The following PCCB variants were observed in gnomAD, a reference collection of about 807,000 sequenced individuals.
PCCB encodes propionyl-CoA carboxylase subunit beta.
In PCCB, 43 loss-of-function variants were observed where a neutral mutation model predicts 60.7. The observed-to-expected ratio is 0.71, with a 90% confidence interval of 0.55 to 0.91. PCCB has a LOEUF of 0.91. PCCB is among the 40% of genes least tolerant of loss of function. PCCB has a pLI of 0.00. For synonymous variants in PCCB, 276 were observed against 255.9 expected (o/e 1.08, Z -0.75); for missense variants, 766 against 702.8 (o/e 1.09, Z -1.02).
intron 8 of PCCB, among the ~76,000 whole-genome samples, chr3:136,299,020 G>A (rs911806680): frequency 6.6e-6 from 1 of 152,118 alleles, no homozygotes; most frequent in African/African-American, 2.4e-5. Context: ...GGAGGGGAGA[G>A]TGGTCACAAG....
chr3:136,290,827 A>G (rs1216813476), intron 6 of PCCB, among the ~76,000 whole-genome samples: 1 of 150,604 alleles, frequency 6.6e-6, no homozygotes, highest in African/African-American at 2.4e-5. Context: ...AATTCTCATT[A>G]TGTATATGTT....
Position 136,261,885 on chromosome 3 carries a change from A to G in PCCB, c.430-67A>G, listed in dbSNP as rs903443257. 3.7e-6 allele frequency: 4 copies of G among 1,086,832 alleles called. No individual in the cohort carries two copies. In the African/African-American group the frequency reaches 6.2e-5, roughly 17 times the overall value. 67.3% of individuals were successfully genotyped at this position (1,086,832 alleles called of 1,614,324 possible). A position where few individuals can be genotyped will look rare whatever the true frequency, so the allele number is the denominator to read the frequency against. On this transcript the variant is annotated intron_variant, in intron 4 of 14. Transcript: ENST00000251654. ...AACGTTTTCCAGAAAACACTGTGGT[A>G]TTTTGTGAATGTCGTTTTTTATATC...
At chr3:136,329,221 T>G (rs1391677913) in intron 14 of PCCB, among the ~76,000 whole-genome samples, 1 of 152,210 alleles carries the variant, frequency 6.6e-6, no homozygotes, top group Non-Finnish European at 1.5e-5. Context: ...GTGGTTCTTG[T>G]GCTGGTCTTG....
Position 136,275,927 on chromosome 3 carries a change from C to T in PCCB, c.544-7910C>T, listed in dbSNP as rs141664190. Among the ~76,000 whole-genome samples the T allele has an allele frequency of 9.2e-3, 1,404 of 152,230 alleles. 12 individuals carry two copies. Among genetic ancestry groups the T allele is most frequent in the Non-Finnish European group, 0.014 (986 of 68,002 alleles). ...CTGGGACTACAGGTGTGCACCACTACGCCTGGCTAATTTTTGTATTTTTAG... is the reference window on the plus strand; with the variant it reads ...CTGGGACTACAGGTGTGCACCACTATGCCTGGCTAATTTTTGTATTTTTAG... On this transcript the variant is annotated intron_variant, in intron 5 of 14. Coordinates refer to ENST00000251654, the MANE Select transcript of PCCB (RefSeq NM_000532.5).
intron 9 of PCCB, among the ~76,000 whole-genome samples, chr3:136,302,043 C>T (rs978040139): frequency 3.9e-5 from 6 of 152,288 alleles, no homozygotes; most frequent in Admixed American, 6.5e-5. Flanking sequence ...AGGAGAGCCT[C>T]GCAACAGTGT....
Position 136,327,145 on chromosome 3 carries a change from T to C in PCCB, c.1199-10T>C. 6.2e-7 allele frequency: 1 copy of C among 1,613,338 alleles called. No homozygotes were observed. The highest frequency in any genetic ancestry group is 1.1e-5 in the South Asian group (1 of 91,068). On this transcript the variant is annotated splice_polypyrimidine_tract_variant and intron_variant, in intron 11 of 14. Transcript: ENST00000251654. ...CTTGTGGGTATCTAGTAACTCTTCCTCATGTCTAGGCACAGCACAGGAATA... is the reference window on the plus strand; with the variant it reads ...CTTGTGGGTATCTAGTAACTCTTCCCCATGTCTAGGCACAGCACAGGAATA...
intron 9 of PCCB, 140 bp downstream of exon 9, chr3:136,301,251 C>T (rs1337517453): frequency 1.1e-5 from 8 of 722,480 alleles, no homozygotes; most frequent in Non-Finnish European, 2.0e-5. Context: ...GGCACAGGAC[C>T]AGTGGCCACT....
chr3:136,325,267 C>T (rs972087415), intron 10 of PCCB, among the ~76,000 whole-genome samples: 3 of 152,124 alleles, frequency 2.0e-5, no homozygotes, highest in African/African-American at 7.2e-5. Flanking sequence ...TTAAGCAGTC[C>T]TCCACTTTGG....
At chr3:136,276,439 C>T (rs1942332566) in intron 5 of PCCB, among the ~76,000 whole-genome samples, 1 of 152,178 alleles carries the variant, frequency 6.6e-6, no homozygotes, top group Non-Finnish European at 1.5e-5. Flanking sequence ...AAGCTATTCA[C>T]CTCCCAGACT....
At chr3:136,295,579 A>G (rs1933894613) in intron 7 of PCCB, among the ~76,000 whole-genome samples, 1 of 152,234 alleles carries the variant, frequency 6.6e-6, no homozygotes, top group Non-Finnish European at 1.5e-5. Flanking sequence ...GGTATATAAT[A>G]TAAAGCTGGG....
intron 5 of PCCB, among the ~76,000 whole-genome samples, chr3:136,268,498 T>C (rs748410139): frequency 6.6e-6 from 1 of 151,120 alleles, no homozygotes; most frequent in Non-Finnish European, 1.5e-5. Flanking sequence ...TAGTCTCGCT[T>C]TGTAGCCCAG....
At chr3:136,299,977 C>T (rs889778976) in intron 8 of PCCB, among the ~76,000 whole-genome samples, 3 of 151,688 alleles carry the variant, frequency 2.0e-5, no homozygotes, top group African/African-American at 2.4e-5. Context: ...CATGTATACA[C>T]ACATGCATGT....
chr3:136,293,328 T>C (rs1933783998), intron 6 of PCCB, among the ~76,000 whole-genome samples: 1 of 152,230 alleles, frequency 6.6e-6, no homozygotes, highest in Non-Finnish European at 1.5e-5. Flanking sequence ...TTAAGTAGCT[T>C]CATTTAAAGT....
In PCCB at chr3:136,261,966, C is replaced by A; in HGVS notation, c.444C>A (p.Ala148=). 2 of 1,556,574 alleles carry A rather than the reference C, an allele frequency of 1.3e-6. No individual in the cohort carries two copies. Among genetic ancestry groups the A allele is most frequent in the Non-Finnish European group, 1.7e-6 (2 of 1,148,210 alleles). The change falls in exon 5 of 15, where the codon GCC becomes GCA. Residue 148 remains alanine (A), a synonymous_variant. Coordinates refer to ENST00000251654, the MANE Select transcript of PCCB (RefSeq NM_000532.5). The stretch of plus-strand genomic sequence containing the variant: ...TGCTGTCTCAGATCATGGACCAGGC[C>A]ATAACGGTGGGGGCTCCAGTGATTG... ...AQKICKIMDQ[A]ITVGAPVIGL...
At chr3:136,292,677 T>C (rs1933751340) in intron 6 of PCCB, among the ~76,000 whole-genome samples, 1 of 151,842 alleles carries the variant, frequency 6.6e-6, no homozygotes, top group Non-Finnish European at 1.5e-5. Context: ...TTGAACACTA[T>C]GTGTATTGAA....
chr3:136,293,969 C>T (rs961589004), intron 7 of PCCB, 105 bp downstream of exon 7: 1 of 739,738 alleles, frequency 1.4e-6, no homozygotes, highest in Non-Finnish European at 2.5e-6. Flanking sequence ...ATTGGCAGAC[C>T]TTATTTGGGA....
At chr3:136,268,113 T>TATATAC (rs1560002562) in intron 5 of PCCB, among the ~76,000 whole-genome samples, 1 of 134,006 alleles carries the variant, frequency 7.5e-6, no homozygotes, top group East Asian at 2.1e-4. Flanking sequence ...TATATATATA[T>TATATAC]ATATATATGT....
rs1317629761 is a variant in PCCB, at chr3:136,304,213, G to A, written c.966+3102G>A. On this transcript the variant is annotated intron_variant, in intron 9 of 14. Transcript: ENST00000251654. ...TTTGTCACCCAGGCTGGAGTGCAGCGGTGTGACTTTGACTCACTGCAGGCT... is the reference window on the plus strand; with the variant it reads ...TTTGTCACCCAGGCTGGAGTGCAGCAGTGTGACTTTGACTCACTGCAGGCT... Among the ~76,000 whole-genome samples the A allele has an allele frequency of 2.7e-5, 3 of 112,278 alleles. 1 individual carries two copies. Among genetic ancestry groups the A allele is most frequent in the Middle Eastern group, 4.6e-3 (1 of 216 alleles). The allele number at this position is 112,278 out of a possible 152,430, so 73.7% of individuals were successfully genotyped here. A position where few individuals can be genotyped will look rare whatever the true frequency, so the allele number is the denominator to read the frequency against.
At chr3:136,255,623 T>C (rs1426034126) in intron 1 of PCCB, 3 of 555,602 alleles carry the variant, frequency 5.4e-6, no homozygotes, top group Non-Finnish European at 6.5e-6. Context: ...CCTATTTCCT[T>C]ATTCATCTTC....
Sources: allele counts gnomAD v4.1 joint callset (sites outside exome capture counted in the v4.1 genomes callset), GRCh38; gene constraint gnomAD v4.1.1; transcripts MANE v1.5; gene names NCBI Gene and HGNC (gene_info 2026-07-23, HGNC 2026-07-21).